COMMD10: variants seen among roughly 807,000 people sequenced by gnomAD.
COMMD10 encodes the protein COMM domain containing 10, also known as COMM domain-containing protein 10.
COMMD10 carries 33 observed loss-of-function variants against 28.9 expected under a neutral mutation model. The observed-to-expected ratio is 1.14, with a 90% CI of 0.87 to 1.53. COMMD10 has a LOEUF of 1.53. Among genes scored for constraint, COMMD10 ranks in the 40% most tolerant of loss-of-function variants. The pLI is 0.00. For synonymous variants in COMMD10, 110 were observed against 81.7 expected (o/e 1.35, Z -1.87); for missense variants, 310 against 233.4 (o/e 1.33, Z -2.14).
intron 5 of COMMD10, among the ~76,000 whole-genome samples, chr5:116,274,962 C>A (rs1750862597): frequency 6.6e-6 from 1 of 151,740 alleles, no homozygotes; most frequent in South Asian, 2.1e-4. Context: ...ATCTAATGGC[C>A]TGCTGGTATT....
chr5:116,185,175 A>G (rs1034199848), intron 5 of COMMD10, among the ~76,000 whole-genome samples: 17 of 152,088 alleles, frequency 1.1e-4, no homozygotes, highest in Admixed American at 3.3e-4. Context: ...GTCTTAACCT[A>G]TGTGATCCAC....
chr5:116,288,885 T>TC (rs1400909059), intron 5 of COMMD10, among the ~76,000 whole-genome samples: 10 of 80,858 alleles, frequency 1.2e-4, no homozygotes, highest in African/African-American at 4.6e-4. Flanking sequence ...TTTTTTTTTT[T>TC]TTTTTTTTTT....
At chr5:116,161,697 G>A (rs1752923605) in intron 5 of COMMD10, among the ~76,000 whole-genome samples, 1 of 152,146 alleles carries the variant, frequency 6.6e-6, no homozygotes, top group Admixed American at 6.6e-5. Flanking sequence ...GAAAGTAGAA[G>A]CAGATCTTCA....
At chr5:116,115,858 A>G (rs1281554789) in intron 4 of COMMD10, among the ~76,000 whole-genome samples, 1 of 152,168 alleles carries the variant, frequency 6.6e-6, no homozygotes, top group Non-Finnish European at 1.5e-5. Context: ...GAGACTTGTA[A>G]ATAATATTTT....
At chr5:116,222,095 G>T (rs1364683362) in intron 5 of COMMD10, among the ~76,000 whole-genome samples, 2 of 152,166 alleles carry the variant, frequency 1.3e-5, no homozygotes, top group Admixed American at 1.3e-4. Flanking sequence ...GAAAAAGAAT[G>T]TTAATGCCAT....
chr5:116,178,031 A>G (rs1747786892), intron 5 of COMMD10, among the ~76,000 whole-genome samples: 1 of 152,160 alleles, frequency 6.6e-6, no homozygotes, highest in African/African-American at 2.4e-5. Flanking sequence ...TACACACTAT[A>G]CTTGAGAGTT....
chr5:116,124,488 A>C (rs1751549102), intron 4 of COMMD10, among the ~76,000 whole-genome samples: 1 of 152,200 alleles, frequency 6.6e-6, no homozygotes, highest in Non-Finnish European at 1.5e-5. Flanking sequence ...TTTACTTCCA[A>C]CTATGTGGTC....
chr5:116,157,242 T>A (rs1243349542), intron 5 of COMMD10, among the ~76,000 whole-genome samples: 2 of 152,184 alleles, frequency 1.3e-5, no homozygotes, highest in African/African-American at 4.8e-5. Flanking sequence ...TTTTTTTAAA[T>A]TGTGGCAGGA....
Position 116,159,900 on chromosome 5 carries a change from G to C in COMMD10, c.510+25722G>C, listed in dbSNP as rs190206593. On this transcript the variant is annotated intron_variant, in intron 5 of 6. Coordinates refer to ENST00000274458, the MANE Select transcript of COMMD10 (RefSeq NM_016144.4). ...AAATGCTTAATTCTCCTCCCTAGTG[G>C]CTTAAAAAAATAGTTAGAAAACATG... Among the ~76,000 whole-genome samples, 5 of 152,214 alleles carry C rather than the reference G, an allele frequency of 3.3e-5. No individual in the cohort carries two copies. In the East Asian group the frequency reaches 9.7e-4, roughly 29 times the overall value.
chr5:116,256,491 C>G (rs1358313121), intron 5 of COMMD10, among the ~76,000 whole-genome samples: 2 of 151,604 alleles, frequency 1.3e-5, no homozygotes. Context: ...TCTGAAGAAT[C>G]TTGATTAATG....
intron 5 of COMMD10, among the ~76,000 whole-genome samples, chr5:116,258,323 A>G (rs961438956): frequency 6.6e-6 from 1 of 151,732 alleles, no homozygotes; most frequent in African/African-American, 2.4e-5. Context: ...CTATCCTAGA[A>G]TGCTTTTGTA....
At chr5:116,099,202 A>G (rs1750568925) in intron 4 of COMMD10, among the ~76,000 whole-genome samples, 1 of 152,218 alleles carries the variant, frequency 6.6e-6, no homozygotes. Context: ...GAGTATGCGT[A>G]TAAATTAGCT....
intron 5 of COMMD10, among the ~76,000 whole-genome samples, chr5:116,232,410 C>T (rs1254442613): frequency 6.6e-6 from 1 of 151,534 alleles, no homozygotes; most frequent in Admixed American, 6.6e-5. Flanking sequence ...GGTAAACAAG[C>T]AAGATAGGAT....
chr5:116,278,292 C>T (rs1380961669), intron 5 of COMMD10, among the ~76,000 whole-genome samples: 1 of 151,772 alleles, frequency 6.6e-6, no homozygotes, highest in Non-Finnish European at 1.5e-5. Flanking sequence ...AACCTCTTAA[C>T]TTGCTGATTA....
At chr5:116,238,064 A>G (rs1286258084) in intron 5 of COMMD10, among the ~76,000 whole-genome samples, 2 of 152,190 alleles carry the variant, frequency 1.3e-5, no homozygotes. Context: ...ATGTTGCACA[A>G]AAAACAAGGT....
At chr5:116,185,039 A>C (rs12657249) in intron 5 of COMMD10, among the ~76,000 whole-genome samples, 75,275 of 151,936 alleles carry the variant, frequency 0.5, 21,715 homozygotes, top group Non-Finnish European at 0.65. Flanking sequence ...ATGTGTGATA[A>C]AAGTTTTGGC....
intron 4 of COMMD10, among the ~76,000 whole-genome samples, chr5:116,113,483 T>C (rs1367696839): frequency 6.6e-6 from 1 of 151,974 alleles, no homozygotes; most frequent in Non-Finnish European, 1.5e-5. Flanking sequence ...AAAGCTTTGT[T>C]CATTTTTTTC....
At chr5:116,093,360 C>T (rs573055983) in intron 4 of COMMD10, among the ~76,000 whole-genome samples, 3 of 152,182 alleles carry the variant, frequency 2.0e-5, no homozygotes, top group East Asian at 1.9e-4. Context: ...CCGGAAACAC[C>T]TGAGGAGAGG....
At chr5:116,090,136 T>C (rs932206452) in intron 2 of COMMD10, among the ~76,000 whole-genome samples, 1 of 48,352 alleles carries the variant, frequency 2.1e-5, no homozygotes, top group Non-Finnish European at 4.2e-5. Context: ...CAAGGGGGAA[T>C]CAATATGAGG....
Sources: gnomAD v4.1 joint callset for allele counts (sites outside exome capture counted in the v4.1 genomes callset) on GRCh38, gnomAD v4.1.1 for gene constraint, MANE v1.5 for transcripts, NCBI Gene and HGNC (gene_info 2026-07-23, HGNC 2026-07-21) for gene names.